The following FAM53B variants were observed in gnomAD, a reference collection of about 807,000 sequenced individuals.
FAM53B encodes family with sequence similarity 53 member B.
Under a neutral mutation model 32.7 loss-of-function variants are expected in FAM53B, and 12 were observed. That is an observed-to-expected ratio of 0.37 (90% confidence interval 0.24 to 0.59). FAM53B has a LOEUF of 0.59. Among genes scored for constraint, FAM53B ranks in the 20% least tolerant of loss-of-function variants. The pLI, the probability that FAM53B is intolerant of heterozygous loss-of-function variation, is 0.72. For missense variants in FAM53B, 477 were observed against 577.7 expected (o/e 0.83, Z 1.79); for synonymous variants, 234 against 228.7 (o/e 1.02, Z -0.21).
intron 4 of FAM53B, among the ~76,000 whole-genome samples, chr10:124,665,271 G>A (rs563582172): frequency 6.6e-6 from 1 of 152,202 alleles, no homozygotes; most frequent in South Asian, 2.1e-4. Context: ...TCAAGTCCCT[G>A]GCCACCTGCC....
chr10:124,736,832 C>A (rs147516732), intron 1 of FAM53B, among the ~76,000 whole-genome samples: 5 of 152,272 alleles, frequency 3.3e-5, no homozygotes, highest in African/African-American at 1.2e-4. Flanking sequence ...GGCCCACCCA[C>A]GCCCCCTCCT....
intron 4 of FAM53B, chr10:124,667,363 C>T (rs1226433772): frequency 1.3e-6 from 1 of 754,992 alleles, no homozygotes; most frequent in Non-Finnish European, 2.5e-6. Context: ...ACTGCTTCCT[C>T]TAAGACTCAG....
chr10:124,715,622 A>G (rs1048916671), intron 1 of FAM53B, among the ~76,000 whole-genome samples: 6 of 152,224 alleles, frequency 3.9e-5, no homozygotes, highest in Non-Finnish European at 5.9e-5. Context: ...GCCTCAGCAC[A>G]GAGCCTGCCC....
At chr10:124,650,980 C>T (rs1949552200) in intron 4 of FAM53B, among the ~76,000 whole-genome samples, 1 of 152,062 alleles carries the variant, frequency 6.6e-6, no homozygotes, top group African/African-American at 2.4e-5. Context: ...TGAGTCACAC[C>T]GAGAGGCTCC....
chr10:124,739,954 AAAAC>A (rs989984401), intron 1 of FAM53B, among the ~76,000 whole-genome samples: 3 of 152,204 alleles, frequency 2.0e-5, no homozygotes, highest in Admixed American at 6.5e-5. Context: ...ATTTAACAAA[AAAAC>A]AAACAAACAA....
rs1949872667 is a variant in FAM53B at position 124,696,535 on chromosome 10, AAC to A, written c.79-325_79-324del. ...CGGCCCGGGGGCAGGATGGATGGTA[AAC>A]AGTGGAACAAGCTTCCCTGAGCTGG... On this transcript the variant is annotated intron_variant, in intron 2 of 4. Transcript: ENST00000337318. 2.0e-5 allele frequency among the ~76,000 whole-genome samples: 3 copies of A among 152,166 alleles called. No homozygotes were observed. In the South Asian group the frequency reaches 6.2e-4, roughly 32 times the overall value.
chr10:124,626,303 G>A (rs1209647934), intron 4 of FAM53B, among the ~76,000 whole-genome samples: 1 of 152,138 alleles, frequency 6.6e-6, no homozygotes, highest in Non-Finnish European at 1.5e-5. Context: ...CTGGCATAAG[G>A]CGCAGGTAGC....
chr10:124,635,333 T>C (rs7078673), intron 4 of FAM53B, among the ~76,000 whole-genome samples: 143,764 of 152,236 alleles, frequency 0.94, 68,370 homozygotes, highest in Non-Finnish European at 1. Context: ...CCTTGTGATC[T>C]GCCTCGGCCT....
intron 4 of FAM53B, among the ~76,000 whole-genome samples, chr10:124,660,112 C>T (rs185346548): frequency 2.0e-5 from 3 of 152,298 alleles, no homozygotes; most frequent in Admixed American, 2.0e-4. Flanking sequence ...TGGCCCAGAG[C>T]GAACTTTCTA....
chr10:124,662,407 A>AGTTC (rs1258345839), intron 4 of FAM53B, among the ~76,000 whole-genome samples: 1 of 151,996 alleles, frequency 6.6e-6, no homozygotes, highest in Non-Finnish European at 1.5e-5. Context: ...TCAGTTTGTG[A>AGTTC]GTTCGTTCGT....
intron 4 of FAM53B, among the ~76,000 whole-genome samples, chr10:124,630,007 G>A (rs1460540543): frequency 6.6e-6 from 1 of 152,230 alleles, no homozygotes; most frequent in Non-Finnish European, 1.5e-5. Flanking sequence ...GACTGCCCAG[G>A]CTCTGCAGGG....
At chr10:124,681,272 T>TG in intron 4 of FAM53B, among the ~76,000 whole-genome samples, 1 of 152,262 alleles carries the variant, frequency 6.6e-6, no homozygotes, top group Non-Finnish European at 1.5e-5. Flanking sequence ...GGTGGCTTCC[T>TG]GGGAGAGACG....
chr10:124,685,711 G>A (rs918960260), intron 3 of FAM53B, among the ~76,000 whole-genome samples: 1 of 152,174 alleles, frequency 6.6e-6, no homozygotes, highest in African/African-American at 2.4e-5. Context: ...CATCTCTAGG[G>A]AAATCACTTC....
At chr10:124,661,267 G>A (rs1413473058) in intron 4 of FAM53B, among the ~76,000 whole-genome samples, 1 of 152,142 alleles carries the variant, frequency 6.6e-6, no homozygotes, top group African/African-American at 2.4e-5. Context: ...ACGGAGGTGT[G>A]TCGCATCCCA....
At chr10:124,676,744 A>G (rs1949738805) in intron 4 of FAM53B, among the ~76,000 whole-genome samples, 1 of 151,814 alleles carries the variant, frequency 6.6e-6, no homozygotes, top group African/African-American at 2.4e-5. Context: ...GGCCCCGCCC[A>G]CCCAGCTCTC....
chr10:124,726,329 G>A (rs1049595204), intron 1 of FAM53B, among the ~76,000 whole-genome samples: 8 of 152,168 alleles, frequency 5.3e-5, no homozygotes, highest in Admixed American at 4.6e-4. Context: ...TCTAAATCTA[G>A]GTCAAGATGA....
Position 124,716,840 on chromosome 10 carries a change from G to A in FAM53B, c.-174-9953C>T, listed in dbSNP as rs562854394. Among the ~76,000 whole-genome samples, 397 of 151,956 alleles carry A rather than the reference G, an allele frequency of 2.6e-3. 1 individual carries two copies. Among genetic ancestry groups the A allele is most frequent in the African/African-American group, 9.3e-3 (387 of 41,504 alleles). On this transcript the variant is annotated intron_variant, in intron 1 of 4. Coordinates refer to ENST00000337318, the MANE Select transcript of FAM53B (RefSeq NM_014661.4). Reference sequence around the variant, plus strand: ...GCCACAGAGCTAGATGCCGCCTTCTGCTCCAAACCGGGGGAAGGGAAAGAA... The same window carrying A: ...GCCACAGAGCTAGATGCCGCCTTCTACTCCAAACCGGGGGAAGGGAAAGAA...
At chr10:124,726,540 A>G (rs995445333) in intron 1 of FAM53B, among the ~76,000 whole-genome samples, 1 of 152,232 alleles carries the variant, frequency 6.6e-6, no homozygotes, top group Non-Finnish European at 1.5e-5. Context: ...CTTTCAGGCA[A>G]TGGATTGACA....
At chr10:124,672,912 G>T (rs936551443) in intron 4 of FAM53B, among the ~76,000 whole-genome samples, 7 of 152,224 alleles carry the variant, frequency 4.6e-5, no homozygotes, top group African/African-American at 1.7e-4. Flanking sequence ...ACTGAGAACA[G>T]ATCAAGAAGA....
Sources: allele counts gnomAD v4.1 joint callset (sites outside exome capture counted in the v4.1 genomes callset), GRCh38; gene constraint gnomAD v4.1.1; transcripts MANE v1.5; gene names NCBI Gene and HGNC (gene_info 2026-07-23, HGNC 2026-07-21).